Variants in CACNA1C observed in about 807,000 individuals in gnomAD.
The protein encoded by CACNA1C is calcium voltage-gated channel subunit alpha1 C, also known as voltage-dependent L-type calcium channel subunit alpha-1C.
In CACNA1C, 30 loss-of-function variants were observed where a neutral mutation model predicts 229.0. That is an observed-to-expected ratio of 0.13 (90% CI 0.10 to 0.18). The LOEUF (loss-of-function observed/expected upper bound fraction) is 0.18. CACNA1C is among the 10% of genes least tolerant of loss of function. CACNA1C has a pLI of 1.00. For synonymous variants in CACNA1C, 1,114 were observed against 1,132.5 expected (o/e 0.98, Z 0.33); for missense variants, 1,658 against 2,845.0 (o/e 0.58, Z 9.49).
chr12:2,395,896 C>T (rs1042888666), intron 3 of CACNA1C, among the ~76,000 whole-genome samples: 7 of 152,166 alleles, frequency 4.6e-5, no homozygotes, highest in African/African-American at 1.4e-4. Flanking sequence ...CACAAACACA[C>T]GTCATCTTAT....
intron 3 of CACNA1C, among the ~76,000 whole-genome samples, chr12:2,205,742 G>A (rs997077299): frequency 6.6e-6 from 1 of 152,112 alleles, no homozygotes; most frequent in South Asian, 2.1e-4. Context: ...ATACCGCAGT[G>A]GGGGGACTAC....
At chr12:2,616,519 A>G (rs911146886) in intron 29 of CACNA1C, among the ~76,000 whole-genome samples, 1 of 151,796 alleles carries the variant, frequency 6.6e-6, no homozygotes, top group Non-Finnish European at 1.5e-5. Context: ...CTTTCCCTGC[A>G]GACTCTTTCC....
At chr12:2,045,172 C>T (rs940770985) in intron 1 of CACNA1C, among the ~76,000 whole-genome samples, 2 of 152,026 alleles carry the variant, frequency 1.3e-5, no homozygotes, top group African/African-American at 2.4e-5. Flanking sequence ...ACTCTTAGGA[C>T]CGTGTTTTGA....
chr12:2,153,493 C>T (rs2095399003), intron 3 of CACNA1C, among the ~76,000 whole-genome samples: 1 of 152,220 alleles, frequency 6.6e-6, no homozygotes, highest in South Asian at 2.1e-4. Context: ...CCCCCAGCCC[C>T]TGGCACCCAC....
At chr12:2,022,208 G>A (rs1456792510) in intron 1 of CACNA1C, among the ~76,000 whole-genome samples, 1 of 152,196 alleles carries the variant, frequency 6.6e-6, no homozygotes, top group Non-Finnish European at 1.5e-5. Flanking sequence ...TCTATGTGAT[G>A]GAATGGCCTC....
chr12:2,199,050 A>G (rs1008639212), intron 3 of CACNA1C, among the ~76,000 whole-genome samples: 8 of 152,134 alleles, frequency 5.3e-5, no homozygotes, highest in Non-Finnish European at 1.2e-4. Context: ...TCATTTGATC[A>G]TGATCGTGTC....
intron 1 of CACNA1C, among the ~76,000 whole-genome samples, chr12:2,084,499 C>T (rs2066833823): frequency 6.6e-6 from 1 of 152,202 alleles, no homozygotes; most frequent in South Asian, 2.1e-4. Context: ...TTCCAGACTT[C>T]TTGTCCCCAC....
intron 29 of CACNA1C, among the ~76,000 whole-genome samples, chr12:2,616,536 G>A (rs1057244113): frequency 6.6e-6 from 1 of 152,180 alleles, no homozygotes; most frequent in Non-Finnish European, 1.5e-5. Context: ...TTCCCACCCA[G>A]TCCTGAGCTG....
At chr12:2,289,570 G>A (rs2093215042) in intron 3 of CACNA1C, among the ~76,000 whole-genome samples, 4 of 152,092 alleles carry the variant, frequency 2.6e-5, no homozygotes, top group Non-Finnish European at 5.9e-5. Context: ...AATATTTATT[G>A]AGTGCCTACA....
intron 3 of CACNA1C, among the ~76,000 whole-genome samples, chr12:2,121,553 G>A (rs947484719): frequency 2.0e-5 from 3 of 152,194 alleles, no homozygotes; most frequent in African/African-American, 7.2e-5. Context: ...GGCTCGGCTT[G>A]GGGCCCTTTG....
Position 2,647,851 on chromosome 12 carries a change from A to C in CACNA1C, c.3913-624A>C, listed in dbSNP as rs1320863639. On this transcript the variant is annotated intron_variant, in intron 30 of 46. Transcript: ENST00000399655. The surrounding 1 kb of genome is among the most constrained non-coding windows in gnomAD (Gnocchi z 4.2). ...AAACAAATTAAAACAGGCTTGGCAC[A>C]GTGGCTTACACCGGTAATCCCAGTA... Among the ~76,000 whole-genome samples the C allele has an allele frequency of 1.3e-5, 2 of 152,212 alleles. No homozygotes were observed. The highest frequency in any genetic ancestry group is 1.3e-4 in the Admixed American group (2 of 15,284).
At chr12:2,628,349 T>C (rs950159438) in intron 29 of CACNA1C, among the ~76,000 whole-genome samples, 2 of 152,294 alleles carry the variant, frequency 1.3e-5, no homozygotes, top group Admixed American at 6.5e-5. Flanking sequence ...TCTTACAAAA[T>C]GCAGCCGTGA....
At chr12:2,077,057 G>A (rs893514876) in intron 1 of CACNA1C, among the ~76,000 whole-genome samples, 3 of 152,206 alleles carry the variant, frequency 2.0e-5, no homozygotes, top group African/African-American at 7.2e-5. Flanking sequence ...ACAACGCATT[G>A]CCCACTTAAG....
chr12:2,348,149 G>T lies in CACNA1C; in HGVS notation c.478-100827G>T, dbSNP rs898258428. ...TCCTGCCTGCTGCAGGAGTGGGAGC[G>T]TGGGGCTAGCTGCCAGTGGGATGGC... is the stretch of plus-strand genomic sequence containing the variant. On this transcript the variant is annotated intron_variant, in intron 3 of 46. Transcript: ENST00000399655. This position sits in a 1 kb window ranked among gnomAD's most constrained non-coding sequence, Gnocchi z 4.7. Among the ~76,000 whole-genome samples, 1 of 152,192 alleles carries T rather than the reference G, an allele frequency of 6.6e-6. No individual in the cohort carries two copies. The highest frequency in any genetic ancestry group is 2.4e-5 in the African/African-American group (1 of 41,466).
chr12:2,393,143 A>G (rs1451760022), intron 3 of CACNA1C, among the ~76,000 whole-genome samples: 2 of 152,174 alleles, frequency 1.3e-5, no homozygotes, highest in Non-Finnish European at 2.9e-5. Context: ...CTAAGGCTGC[A>G]GCTTCATCTC....
At chr12:2,136,151 C>T (rs932072724) in intron 3 of CACNA1C, among the ~76,000 whole-genome samples, 1 of 151,446 alleles carries the variant, frequency 6.6e-6, no homozygotes, top group Non-Finnish European at 1.5e-5. Flanking sequence ...GGCAATGCCT[C>T]GCCCTGCTTT....
At chr12:2,667,907 C>T (rs995244701) in intron 37 of CACNA1C, among the ~76,000 whole-genome samples, 12 of 152,176 alleles carry the variant, frequency 7.9e-5, no homozygotes, top group East Asian at 1.9e-4. Flanking sequence ...AGCTTCACAC[C>T]GCGCTTGCTC....
chr12:2,594,951 A>T (rs937221225), intron 19 of CACNA1C, among the ~76,000 whole-genome samples: 15 of 152,218 alleles, frequency 9.9e-5, no homozygotes, highest in Non-Finnish European at 2.1e-4. Context: ...TCTTCAAGCA[A>T]TTCTGCCCTC....
chr12:2,504,694 G>A lies in CACNA1C; in HGVS notation c.1114-148G>A. ...TTCAACCACAGATTCTGACCCATTG[G>A]CCAGGCAGGCTGTTTGGCCTCTGAT... On this transcript the variant is annotated intron_variant, in intron 7 of 46. Transcript: ENST00000399655. The surrounding 1 kb of genome is among the most constrained non-coding windows in gnomAD (Gnocchi z 6.8). 8 of 740,398 alleles carry A rather than the reference G, an allele frequency of 1.1e-5. 1 individual carries two copies. The East Asian group carries it at 1.3e-4, about 12-fold the overall frequency. 45.9% of individuals were successfully genotyped at this position (740,398 alleles called of 1,614,324 possible). A position where few individuals can be genotyped will look rare whatever the true frequency, so the allele number is the denominator to read the frequency against.
Sources: allele counts gnomAD v4.1 joint callset (sites outside exome capture counted in the v4.1 genomes callset), GRCh38; gene constraint gnomAD v4.1.1; non-coding constraint Gnocchi (gnomAD v3.1); transcripts MANE v1.5; gene names NCBI Gene and HGNC (gene_info 2026-07-23, HGNC 2026-07-21).